PCDHA3: variants seen among roughly 807,000 people sequenced by gnomAD.
PCDHA3 encodes protocadherin alpha 3.
A neutral mutation model predicts 62.2 loss-of-function variants in PCDHA3; 41 were observed. The ratio of observed to expected loss-of-function variants is 0.66; its 90% CI spans 0.51 to 0.86. The LOEUF (loss-of-function observed/expected upper bound fraction) is 0.86. Among genes scored for constraint, PCDHA3 ranks in the 40% least tolerant of loss-of-function variants. The probability of loss-of-function intolerance (pLI) is 0.00; values close to 1 mark genes in which losing one functional copy is unlikely to be tolerated. For synonymous variants in PCDHA3, 640 were observed against 555.4 expected (o/e 1.15, Z -2.14); for missense variants, 1,304 against 1,241.2 (o/e 1.05, Z -0.76).
At chr5:140,853,330 G>A in intron 1 of PCDHA3, 1 of 984,768 alleles carries the variant, frequency 1.0e-6, no homozygotes, top group South Asian at 4.7e-5. Flanking sequence ...TTTATCTTTT[G>A]AGGTCATTAG....
At chr5:140,880,870 G>T (rs1413243877) in intron 1 of PCDHA3, among the ~76,000 whole-genome samples, 1 of 152,142 alleles carries the variant, frequency 6.6e-6, no homozygotes, top group East Asian at 1.9e-4. Context: ...ATGTGAAGAG[G>T]TAAATAAAGA....
chr5:140,860,740 T>G (rs934240513), intron 1 of PCDHA3: 1 of 152,266 alleles, frequency 6.6e-6, no homozygotes, highest in Non-Finnish European at 1.5e-5. Context: ...TTTTGTTTTT[T>G]ATTTTTTATT....
Position 140,801,774 on chromosome 5 carries a change from G to A in PCDHA3, c.577G>A (p.Gly193Arg), listed in dbSNP as rs143901113. 325 of 1,613,884 alleles carry A rather than the reference G, an allele frequency of 2.0e-4. No homozygotes were observed. In the African/African-American group the frequency reaches 3.5e-3, roughly 17 times the overall value. Residue 193 changes from glycine (G) to arginine (R), a missense_variant, in exon 1 of 4, where the codon GGA becomes AGA. Gly to Arg is a moderately radical substitution (Grantham distance 125, BLOSUM62 -2). Transcript: ENST00000522353. ...AAATGATGAGGAAATTAAATCCCTT[G>A]GACTCGTGTTGAAAAAAAATTTAAA... is the stretch of plus-strand genomic sequence containing the variant. The part of the protein sequence containing the change: ...KRNDEEIKSL[G>R]LVLKKNLNRE...
Position 140,842,339 on chromosome 5 carries a change from A to G in PCDHA3, c.2394+38748A>G, listed in dbSNP as rs2150334391. 9 of 1,607,816 alleles carry G rather than the reference A, an allele frequency of 5.6e-6. No individual in the cohort carries two copies. The South Asian group carries it at 9.9e-5, about 18-fold the overall frequency. Reference sequence around the variant, plus strand: ...GGGTCATTGCACCGTTTTAGTGAGAATTTTGGATAAAAATGATAACGTCCC... The same window carrying G: ...GGGTCATTGCACCGTTTTAGTGAGAGTTTTGGATAAAAATGATAACGTCCC... On this transcript the variant is annotated intron_variant, in intron 1 of 3. Coordinates refer to ENST00000522353, the MANE Select transcript of PCDHA3 (RefSeq NM_018906.3).
At chr5:140,822,630 TGAC>T (rs2150117881) in intron 1 of PCDHA3, 10 of 1,611,342 alleles carry the variant, frequency 6.2e-6, no homozygotes, top group Non-Finnish European at 4.2e-6. Flanking sequence ...ATCTTGTTCT[TGAC>T]GATGTAAAGT....
At chr5:140,927,672 A>G in intron 1 of PCDHA3, 1 of 1,614,202 alleles carries the variant, frequency 6.2e-7, no homozygotes, top group Non-Finnish European at 8.5e-7. Flanking sequence ...CCTTGGATCC[A>G]GATGAAGGGT....
intron 1 of PCDHA3, chr5:140,829,247 A>T: frequency 1.2e-6 from 2 of 1,614,250 alleles, no homozygotes; most frequent in Non-Finnish European, 1.7e-6. Context: ...CGGGCAGGTG[A>T]ACTGCTCGCT....
chr5:140,823,077 G>A (rs1470317828), intron 1 of PCDHA3: 4 of 1,614,028 alleles, frequency 2.5e-6, no homozygotes, highest in Non-Finnish European at 3.4e-6. Flanking sequence ...CGCCTTCGCT[G>A]TGGGCCACCG....
At chr5:140,883,239 A>ACAAAGGAAATATTC in intron 1 of PCDHA3, 1 of 1,614,096 alleles carries the variant, frequency 6.2e-7, no homozygotes, top group Non-Finnish European at 8.5e-7. Context: ...GAGGCAGTTG[A>ACAAAGGAAATATTC]CAAAGGAAAT....
intron 3 of PCDHA3, among the ~76,000 whole-genome samples, chr5:141,009,130 G>A (rs1395175038): frequency 2.0e-5 from 3 of 152,188 alleles, no homozygotes; most frequent in African/African-American, 7.2e-5. Flanking sequence ...TGGTATCCTG[G>A]TGAAAAAACC....
chr5:140,805,893 C>T (rs987630625), intron 1 of PCDHA3, among the ~76,000 whole-genome samples: 4 of 152,102 alleles, frequency 2.6e-5, no homozygotes, highest in Non-Finnish European at 4.4e-5. Flanking sequence ...AGGAAGCAAA[C>T]ATTTTCTGCA....
At chr5:140,953,062 C>A (rs2094842577) in intron 1 of PCDHA3, among the ~76,000 whole-genome samples, 1 of 152,160 alleles carries the variant, frequency 6.6e-6, no homozygotes, top group East Asian at 1.9e-4. Context: ...CTCTCACAGG[C>A]CCCATCTCCA....
rs1346757216 is a variant in PCDHA3 at position 140,803,074 on chromosome 5, T to C, written c.1877T>C (p.Leu626Pro). The C allele has an allele frequency of 6.2e-7, 1 of 1,613,948 alleles. No individual in the cohort carries two copies. Among genetic ancestry groups the C allele is most frequent in the Middle Eastern group, 1.6e-4 (1 of 6,062 alleles). Reference sequence around the variant, plus strand: ...GCGCGCATCCCGTTTCGCGTGGGGCTGTACACGGGAGAGATCAGCACGACC... The same window carrying C: ...GCGCGCATCCCGTTTCGCGTGGGGCCGTACACGGGAGAGATCAGCACGACC... ...GGARIPFRVG[L>P]YTGEISTTRA... The change falls in exon 1 of 4, where the codon CTG becomes CCG. Residue 626 changes from leucine to proline, a missense_variant. Transcript: ENST00000522353.
chr5:140,945,001 G>GT (rs2093723326), intron 1 of PCDHA3, among the ~76,000 whole-genome samples: 1 of 151,990 alleles, frequency 6.6e-6, no homozygotes, highest in South Asian at 2.1e-4. Context: ...ACGGTTGTGG[G>GT]TCATGAATTA....
At chr5:140,910,523 T>TC (rs2153515069) in intron 1 of PCDHA3, among the ~76,000 whole-genome samples, 1 of 152,338 alleles carries the variant, frequency 6.6e-6, no homozygotes, top group African/African-American at 2.4e-5. Flanking sequence ...ATGCAGGTAC[T>TC]CCCCTCACAA....
chr5:140,836,758 G>T, intron 1 of PCDHA3: 2 of 1,572,510 alleles, frequency 1.3e-6, no homozygotes, highest in South Asian at 2.4e-5. Flanking sequence ...AAATAATCTT[G>T]TTTCCAACAA....
At chr5:140,917,906 G>C (rs1334892378) in intron 1 of PCDHA3, among the ~76,000 whole-genome samples, 1 of 151,938 alleles carries the variant, frequency 6.6e-6, no homozygotes, top group East Asian at 1.9e-4. Flanking sequence ...TGTTAGGATA[G>C]TTTGTTTTTC....
intron 1 of PCDHA3, among the ~76,000 whole-genome samples, chr5:140,880,228 A>G (rs2058273237): frequency 6.6e-6 from 1 of 152,196 alleles, no homozygotes; most frequent in Non-Finnish European, 1.5e-5. Context: ...GAACATTTAA[A>G]TTAGTGTATG....
chr5:140,834,624 A>G (rs2150222938), intron 1 of PCDHA3: 1 of 1,614,104 alleles, frequency 6.2e-7, no homozygotes, highest in East Asian at 2.2e-5. Context: ...AAATCTGCAG[A>G]ATGGCATTTT....
Sources: allele counts gnomAD v4.1 joint callset (sites outside exome capture counted in the v4.1 genomes callset), GRCh38; gene constraint gnomAD v4.1.1; transcripts MANE v1.5; gene names NCBI Gene and HGNC (gene_info 2026-07-23, HGNC 2026-07-21).